DIP2C: variants seen among roughly 807,000 people sequenced by gnomAD.
DIP2C encodes the protein disco-interacting protein 2 homolog C.
A neutral mutation model predicts 192.4 loss-of-function variants in DIP2C; 33 were observed. The ratio of observed to expected loss-of-function variants is 0.17; its 90% CI spans 0.13 to 0.23. DIP2C has a LOEUF of 0.23. DIP2C is among the 10% of genes least tolerant of loss of function. The pLI, the probability that DIP2C is intolerant of heterozygous loss-of-function variation, is 1.00. For synonymous variants in DIP2C, 979 were observed against 864.1 expected (o/e 1.13, Z -2.33); for missense variants, 1,537 against 2,110.1 (o/e 0.73, Z 5.32).
At chr10:309,081 C>T (rs778536942) in intron 32 of DIP2C, among the ~76,000 whole-genome samples, 69 of 152,212 alleles carry the variant, frequency 4.5e-4, no homozygotes, top group Non-Finnish European at 2.4e-4. Flanking sequence ...CGCACTTCAC[C>T]TAAGCAACAA....
At chr10:660,847 C>A (rs917865001) in intron 1 of DIP2C, among the ~76,000 whole-genome samples, 1 of 152,126 alleles carries the variant, frequency 6.6e-6, no homozygotes, top group Admixed American at 6.5e-5. Context: ...GAAGCGTGGC[C>A]GAGAGCTCCT....
chr10:490,323 C>T (rs1036856243), intron 1 of DIP2C, among the ~76,000 whole-genome samples: 3 of 152,226 alleles, frequency 2.0e-5, no homozygotes, highest in African/African-American at 4.8e-5. Flanking sequence ...CATGCAGCTA[C>T]GTAAACTAAA....
chr10:665,805 G>C (rs1297171570), intron 1 of DIP2C: 3 of 152,046 alleles, frequency 2.0e-5, no homozygotes, highest in Non-Finnish European at 2.9e-5. Context: ...AAATATACGA[G>C]ATCGAAAGGA....
intron 29 of DIP2C, among the ~76,000 whole-genome samples, chr10:337,464 G>A (rs1395057811): frequency 6.8e-6 from 1 of 146,958 alleles, no homozygotes; most frequent in Admixed American, 6.8e-5. Flanking sequence ...GTGTTGTGGA[G>A]GCCTAAGCTG....
intron 1 of DIP2C, among the ~76,000 whole-genome samples, chr10:535,891 CATACTT>C (rs1462632729): frequency 5.9e-5 from 9 of 152,226 alleles, no homozygotes; most frequent in South Asian, 2.1e-4. Flanking sequence ...AACATATACA[CATACTT>C]ATATGTATGC....
chr10:458,787 C>T (rs1589841287), intron 3 of DIP2C, among the ~76,000 whole-genome samples: 2 of 152,002 alleles, frequency 1.3e-5, no homozygotes, highest in Non-Finnish European at 2.9e-5. Flanking sequence ...CACCCCGTGA[C>T]GGCAAGGAGG....
At chr10:320,390 A>G (rs3125039) in intron 31 of DIP2C, among the ~76,000 whole-genome samples, 1 of 151,950 alleles carries the variant, frequency 6.6e-6, no homozygotes, top group Non-Finnish European at 1.5e-5. Context: ...TGCCTGTAAT[A>G]CCAGCTACTT....
chr10:279,440 T>C (rs2132123054), intron 36 of DIP2C, among the ~76,000 whole-genome samples: 1 of 152,320 alleles, frequency 6.6e-6, no homozygotes, highest in East Asian at 1.9e-4. Context: ...TGCTCCACTA[T>C]CTCCTCTGCC....
chr10:479,590 T>A (rs2050971), intron 2 of DIP2C, among the ~76,000 whole-genome samples: 2 of 151,890 alleles, frequency 1.3e-5, no homozygotes, highest in Admixed American at 1.3e-4. Flanking sequence ...CGCCTCAGCC[T>A]CCCAAAGTGC....
chr10:659,252 A>G (rs773997985), intron 1 of DIP2C, among the ~76,000 whole-genome samples: 1 of 152,208 alleles, frequency 6.6e-6, no homozygotes, highest in Non-Finnish European at 1.5e-5. Flanking sequence ...AACATGTAAC[A>G]CATGCACACA....
At chr10:545,263 T>A (rs1408057954) in intron 1 of DIP2C, among the ~76,000 whole-genome samples, 2 of 144,340 alleles carry the variant, frequency 1.4e-5, no homozygotes, top group African/African-American at 5.3e-5. Flanking sequence ...GCCTCCCAGG[T>A]TCAAGCAATT....
chr10:328,824 G>C (rs969830574), intron 30 of DIP2C, among the ~76,000 whole-genome samples: 1 of 152,154 alleles, frequency 6.6e-6, no homozygotes, highest in Non-Finnish European at 1.5e-5. Flanking sequence ...ATCAAAACTG[G>C]TCAGATGATT....
intron 28 of DIP2C, among the ~76,000 whole-genome samples, chr10:343,655 C>G (rs1227639755): frequency 1.3e-5 from 2 of 152,188 alleles, no homozygotes; most frequent in Non-Finnish European, 2.9e-5. Flanking sequence ...CATCCAGACT[C>G]CTGCCTCCCT....
Position 396,832 on chromosome 10 carries a change from G to C in DIP2C, c.1260+2277C>G, listed in dbSNP as rs527407540. Among the ~76,000 whole-genome samples, 12 of 64,336 alleles carry C rather than the reference G, an allele frequency of 1.9e-4. No homozygotes were observed. The South Asian group carries it at 4.2e-3, about 23-fold the overall frequency. The allele number at this position is 64,336 out of a possible 152,430, so 42.2% of individuals were successfully genotyped here. A position where few individuals can be genotyped will look rare whatever the true frequency, so the allele number is the denominator to read the frequency against. ...GTGCTGGCTGCAAATCCGGTGGGGG[G>C]GGGGGAAACTGGCTGCAAATCCGGT... On this transcript the variant is annotated intron_variant, in intron 10 of 36. Transcript: ENST00000280886.
chr10:325,182 G>A (rs1416711399), intron 31 of DIP2C, among the ~76,000 whole-genome samples: 1 of 149,168 alleles, frequency 6.7e-6, no homozygotes, highest in African/African-American at 2.6e-5. Flanking sequence ...GGAGAATGGC[G>A]TGAACCCAGC....
At chr10:302,600 C>G (rs767231517) in intron 32 of DIP2C, among the ~76,000 whole-genome samples, 1 of 152,044 alleles carries the variant, frequency 6.6e-6, no homozygotes, top group African/African-American at 2.4e-5. Flanking sequence ...TGTGTCATCA[C>G]GCAAACACCA....
At chr10:477,804 A>C (rs890633939) in intron 2 of DIP2C, among the ~76,000 whole-genome samples, 14 of 135,384 alleles carry the variant, frequency 1.0e-4, no homozygotes, top group African/African-American at 3.6e-4. Flanking sequence ...GGAAGGAAGG[A>C]AAGAGAAGGA....
intron 1 of DIP2C, among the ~76,000 whole-genome samples, chr10:510,823 G>A (rs927125833): frequency 1.3e-5 from 2 of 152,156 alleles, no homozygotes; most frequent in South Asian, 2.1e-4. Context: ...TCAAACCTCC[G>A]TAAAGATCAG....
chr10:658,729 T>C (rs540156878), intron 1 of DIP2C, among the ~76,000 whole-genome samples: 8 of 152,366 alleles, frequency 5.3e-5, no homozygotes, highest in African/African-American at 1.9e-4. Flanking sequence ...ACATGACTTT[T>C]AATGCAATAT....
Sources: allele counts gnomAD v4.1 joint callset (sites outside exome capture counted in the v4.1 genomes callset), GRCh38; gene constraint gnomAD v4.1.1; transcripts MANE v1.5; gene names NCBI Gene and HGNC (gene_info 2026-07-23, HGNC 2026-07-21).